The following RPAP3 variants were observed in gnomAD, a reference collection of about 807,000 sequenced individuals.
RPAP3 encodes RNA polymerase II-associated protein 3.
A neutral mutation model predicts 88.8 loss-of-function variants in RPAP3; 58 were observed. The ratio of observed to expected loss-of-function variants is 0.65; its 90% confidence interval spans 0.53 to 0.81. RPAP3 has a LOEUF of 0.81. RPAP3 is among the 40% of genes least tolerant of loss of function. The pLI, the probability that RPAP3 is intolerant of heterozygous loss-of-function variation, is 0.00. For synonymous variants in RPAP3, 255 were observed against 259.9 expected (o/e 0.98, Z 0.18); for missense variants, 751 against 764.3 (o/e 0.98, Z 0.20).
At position 47,681,778 on chromosome 12, in the gene RPAP3, T is replaced by A; in HGVS notation, c.1032A>T (p.Leu344Phe). ...EAEKDCTQAILLDGSYSKAFA... is the reference protein window; with the variant it reads ...EAEKDCTQAIFLDGSYSKAFA... ...AAGCTTTAGAATATGAGCCATCTAA[T>A]AAAATGGCTTGTGTGCAGTCTTTTT... Residue 344 changes from leucine to phenylalanine, a missense_variant, in exon 10 of 17, where the codon TTA becomes TTT. Coordinates refer to ENST00000005386, the MANE Select transcript of RPAP3 (RefSeq NM_024604.3). The A allele has an allele frequency of 1.9e-6, 3 of 1,611,152 alleles. 1 individual carries two copies. Among genetic ancestry groups the A allele is most frequent in the Non-Finnish European group, 2.5e-6 (3 of 1,178,760 alleles).
At chr12:47,679,196 A>G (rs1399455084) in intron 12 of RPAP3, among the ~76,000 whole-genome samples, 1 of 152,182 alleles carries the variant, frequency 6.6e-6, no homozygotes, top group African/African-American at 2.4e-5. Flanking sequence ...GGAACTGAAC[A>G]ATGAGATCAC....
intron 12 of RPAP3, among the ~76,000 whole-genome samples, chr12:47,675,674 C>G (rs1482377529): frequency 6.6e-6 from 1 of 152,164 alleles, no homozygotes; most frequent in Non-Finnish European, 1.5e-5. Flanking sequence ...GTAAAGGGAT[C>G]AATTCAACAA....
chr12:47,693,278 G>T (rs1430153089), intron 5 of RPAP3, among the ~76,000 whole-genome samples: 1 of 152,126 alleles, frequency 6.6e-6, no homozygotes, highest in Non-Finnish European at 1.5e-5. Context: ...GTCGGGGGTA[G>T]CTGGTCAATG....
chr12:47,701,350 A>C (rs1489407297), intron 3 of RPAP3, 114 bp downstream of exon 3: 10 of 634,580 alleles, frequency 1.6e-5, no homozygotes, highest in Middle Eastern at 3.9e-4. Flanking sequence ...ATCATGAATA[A>C]GAGAAAAACA....
At chr12:47,694,189 T>G (rs554995219) in intron 5 of RPAP3, among the ~76,000 whole-genome samples, 2 of 152,160 alleles carry the variant, frequency 1.3e-5, no homozygotes, top group African/African-American at 4.8e-5. Context: ...ACAATTACAA[T>G]GCTATAATAA....
chr12:47,682,154 T>C (rs1485175978), intron 9 of RPAP3, among the ~76,000 whole-genome samples: 1 of 152,186 alleles, frequency 6.6e-6, no homozygotes. Flanking sequence ...GGTATTACAT[T>C]AGAATTTTGA....
chr12:47,665,091 ATTT>A (rs75507042), intron 16 of RPAP3, among the ~76,000 whole-genome samples: 26 of 140,124 alleles, frequency 1.9e-4, no homozygotes, highest in Middle Eastern at 3.4e-3. Flanking sequence ...CAGTTTGGTA[ATTT>A]TTTTTTTTTT....
At position 47,686,884 on chromosome 12, in the gene RPAP3, C is replaced by T. The variant is rs1322679873; in HGVS notation, c.888G>A (p.Gly296=). The change falls in exon 9 of 17, where the codon GGG becomes GGA. Residue 296 remains glycine (G), a synonymous_variant. Transcript: ENST00000005386. ...AGCATTCAATTGCTCTTTCATATTT[C>T]CCCTCTTTGAAAAATCCATTCCCCT... The part of the protein sequence containing the change: ...KDRGNGFFKE[G]KYERAIECYT... 6 of 1,599,698 alleles carry T rather than the reference C, an allele frequency of 3.8e-6. No homozygotes were observed. The highest frequency in any genetic ancestry group is 1.1e-5 in the South Asian group (1 of 89,024).
At chr12:47,679,901 T>C in intron 10 of RPAP3, 127 bp from the exon 11 acceptor site, 1 of 639,142 alleles carries the variant, frequency 1.6e-6, no homozygotes, top group Non-Finnish European at 2.7e-6. Context: ...CTCAGATTAC[T>C]AGGAAACAGG....
At chr12:47,696,533 C>A in intron 4 of RPAP3, 130 bp from the exon 5 acceptor site, 1 of 571,204 alleles carries the variant, frequency 1.8e-6, no homozygotes. Context: ...GAAGTCTACA[C>A]CAAGTGTGCC....
intron 1 of RPAP3, among the ~76,000 whole-genome samples, chr12:47,703,057 G>T (rs1939688814): frequency 6.6e-6 from 1 of 152,190 alleles, no homozygotes; most frequent in Non-Finnish European, 1.5e-5. Flanking sequence ...ACAAGTTGAA[G>T]CATCCTTGAA....
chr12:47,695,988 CAACT>C (rs981451971), intron 5 of RPAP3: 26 of 224,036 alleles, frequency 1.2e-4, no homozygotes, highest in Admixed American at 3.4e-4. Context: ...TAAAAATATC[CAACT>C]AACTTTTTTA....
chr12:47,662,510 T>C lies in RPAP3; in HGVS notation c.*995A>G, dbSNP rs1938781148. On this transcript the variant is annotated 3_prime_UTR_variant, in exon 17 of 17. Transcript: ENST00000005386. ...AAAATTGTAAACTGAACTGTCTTAT[T>C]GATGCTGATAACAATTAAAGGATGG... 1 of 152,224 alleles carries C rather than the reference T, an allele frequency of 6.6e-6. No individual in the cohort carries two copies. The highest frequency in any genetic ancestry group is 1.5e-5 in the Non-Finnish European group (1 of 68,040). 9.4% of individuals were successfully genotyped at this position (152,224 alleles called of 1,614,324 possible).
intron 16 of RPAP3, chr12:47,664,683 CT>C (rs1938831306): frequency 6.6e-6 from 1 of 152,246 alleles, no homozygotes; most frequent in African/African-American, 2.4e-5. Context: ...GTCAGCCAGT[CT>C]GAAGAGCCCA....
At position 47,661,967 on chromosome 12, in the gene RPAP3, A is replaced by C. The variant is rs189972484; in HGVS notation, c.*1538T>G. The C allele has an allele frequency of 7.0e-4, 107 of 152,356 alleles. No homozygotes were observed. Among genetic ancestry groups the C allele is most frequent in the Middle Eastern group, 6.8e-3 (2 of 294 alleles). 9.4% of individuals were successfully genotyped at this position (152,356 alleles called of 1,614,324 possible). A position where few individuals can be genotyped will look rare whatever the true frequency, so the allele number is the denominator to read the frequency against. ...TAATAAAAACAGAAATTTATTTCTT[A>C]CAGTTCTGGAGGATGGGGAGTCCAA... On this transcript the variant is annotated 3_prime_UTR_variant, in exon 17 of 17. Coordinates refer to ENST00000005386, the MANE Select transcript of RPAP3 (RefSeq NM_024604.3).
At chr12:47,681,863 G>A in intron 9 of RPAP3, 46 bp from the exon 10 acceptor site, 2 of 1,511,318 alleles carry the variant, frequency 1.3e-6, no homozygotes, top group Middle Eastern at 1.8e-4. Context: ...GGCAGCTTAT[G>A]GAAAAATGTC....
At chr12:47,701,259 A>G (rs1463451795) in intron 3 of RPAP3, 2 of 370,300 alleles carry the variant, frequency 5.4e-6, no homozygotes, top group Non-Finnish European at 9.6e-6. Context: ...TTTAGCCACC[A>G]TTTGCTGAAA....
At chr12:47,669,184 A>T (rs1036559313) in intron 13 of RPAP3, 82 bp from the exon 14 acceptor site, 3 of 910,462 alleles carry the variant, frequency 3.3e-6, no homozygotes, top group African/African-American at 1.7e-5. Context: ...AAAAATTTTT[A>T]AATTTTTGAC....
At chr12:47,694,103 A>G (rs1939477788) in intron 5 of RPAP3, among the ~76,000 whole-genome samples, 1 of 152,246 alleles carries the variant, frequency 6.6e-6, no homozygotes, top group Admixed American at 6.5e-5. Flanking sequence ...TTGATGAGTA[A>G]AAGTCCAAGA....
Sources: gnomAD v4.1 joint callset for allele counts (sites outside exome capture counted in the v4.1 genomes callset) on GRCh38, gnomAD v4.1.1 for gene constraint, MANE v1.5 for transcripts, NCBI Gene and HGNC (gene_info 2026-07-23, HGNC 2026-07-21) for gene names.